The following USP4 variants were observed in gnomAD, a reference collection of about 807,000 sequenced individuals.
USP4 encodes the protein ubiquitin specific peptidase 4.
USP4 carries 72 observed loss-of-function variants against 118.2 expected under a neutral mutation model. The observed-to-expected ratio is 0.61, with a 90% confidence interval of 0.50 to 0.74. The LOEUF is 0.74. Ranked by LOEUF, USP4 falls within the 30% of genes least tolerant of loss-of-function variation. The probability of loss-of-function intolerance (pLI) is 0.00; values close to 1 mark genes in which losing one functional copy is unlikely to be tolerated. For synonymous variants in USP4, 415 were observed against 440.4 expected (o/e 0.94, Z 0.72); for missense variants, 1,037 against 1,185.7 (o/e 0.87, Z 1.84).
chr3:49,282,940 T>G (rs1054033664), intron 19 of USP4, among the ~76,000 whole-genome samples: 1 of 148,476 alleles, frequency 6.7e-6, no homozygotes, highest in African/African-American at 2.5e-5. Flanking sequence ...GCTCCTGATC[T>G]CAAGTGATCC....
At chr3:49,291,943 G>A (rs943486585) in intron 15 of USP4, among the ~76,000 whole-genome samples, 1 of 151,942 alleles carries the variant, frequency 6.6e-6, no homozygotes, top group African/African-American at 2.4e-5. Flanking sequence ...AAGTAGCTGG[G>A]ACTATAGGTG....
intron 6 of USP4, among the ~76,000 whole-genome samples, chr3:49,322,492 A>AT (rs2047512571): frequency 6.6e-6 from 1 of 152,324 alleles, no homozygotes; most frequent in Admixed American, 6.5e-5. Flanking sequence ...TGTGCATATA[A>AT]TTCTACATTT....
chr3:49,298,319 T>C (rs2047229717), intron 12 of USP4, among the ~76,000 whole-genome samples: 1 of 152,216 alleles, frequency 6.6e-6, no homozygotes, highest in South Asian at 2.1e-4. Flanking sequence ...CTCCTGGTCC[T>C]TTGACCACGG....
chr3:49,306,578 G>A (rs1475189028), intron 8 of USP4, among the ~76,000 whole-genome samples: 1 of 151,886 alleles, frequency 6.6e-6, no homozygotes, highest in African/African-American at 2.4e-5. Flanking sequence ...AGCATCATGA[G>A]ATAGAAGCTT....
chr3:49,319,896 G>A (rs1466849211), intron 6 of USP4, among the ~76,000 whole-genome samples: 1 of 151,714 alleles, frequency 6.6e-6, no homozygotes, highest in African/African-American at 2.4e-5. Context: ...TACAGGCCAT[G>A]AGCCACTGTG....
chr3:49,332,888 T>C (rs192540306), intron 2 of USP4, among the ~76,000 whole-genome samples: 2 of 151,034 alleles, frequency 1.3e-5, no homozygotes, highest in Admixed American at 1.3e-4. Context: ...ATACAATAAT[T>C]AGTCGAGTGT....
At chr3:49,320,302 C>T (rs181201145) in intron 6 of USP4, among the ~76,000 whole-genome samples, 2 of 151,614 alleles carry the variant, frequency 1.3e-5, no homozygotes, top group African/African-American at 4.8e-5. Context: ...ATTAGCCGGG[C>T]GTGGTGGCGC....
intron 19 of USP4, among the ~76,000 whole-genome samples, chr3:49,281,546 A>C (rs1052250163): frequency 4.0e-5 from 6 of 151,132 alleles, no homozygotes; most frequent in Non-Finnish European, 8.8e-5. Context: ...ATACATTTAT[A>C]TATACACACA....
chr3:49,299,724 C>G (rs1205159046), intron 11 of USP4, among the ~76,000 whole-genome samples: 1 of 151,952 alleles, frequency 6.6e-6, no homozygotes, highest in Non-Finnish European at 1.5e-5. Context: ...GAAACCAAAA[C>G]CAGAAGGCTA....
intron 6 of USP4, among the ~76,000 whole-genome samples, chr3:49,314,240 T>C (rs1048091238): frequency 1.3e-4 from 20 of 152,150 alleles, no homozygotes; most frequent in Non-Finnish European, 2.1e-4. Flanking sequence ...AGAAATTATA[T>C]AGGGCCTAAG....
chr3:49,336,165 CTTTTTT>C (rs34604530), intron 1 of USP4, among the ~76,000 whole-genome samples: 6 of 83,000 alleles, frequency 7.2e-5, no homozygotes, highest in Admixed American at 3.4e-4. Context: ...CACCTGGCCT[CTTTTTT>C]TTTTTTTTTT....
chr3:49,284,013 G>A lies in USP4; in HGVS notation c.2514C>T (p.Leu838=), dbSNP rs145018881. Residue 838 remains leucine, a synonymous_variant, in exon 19 of 22, where the codon CTC becomes CTT. Transcript: ENST00000265560. ...TGATTGGGAATTCTACGACTGTGTC[G>A]AGCTTATCCCTCCAGTATCTGTTGT... ...FSYNRYWRDK[L]DTVVEFPIRG... is the part of the protein sequence containing the mutation. 332 of 1,614,220 alleles carry A rather than the reference G, an allele frequency of 2.1e-4. 1 individual carries two copies. In the African/African-American group the frequency reaches 3.5e-3, roughly 17 times the overall value.
intron 20 of USP4, among the ~76,000 whole-genome samples, chr3:49,280,030 G>C (rs921661579): frequency 6.6e-6 from 1 of 152,166 alleles, no homozygotes; most frequent in Admixed American, 6.5e-5. Context: ...GGGAGGCCAA[G>C]GCAGGGTGGT....
At chr3:49,335,232 G>A (rs1312726519) in intron 2 of USP4, among the ~76,000 whole-genome samples, 1 of 152,158 alleles carries the variant, frequency 6.6e-6, no homozygotes, top group Non-Finnish European at 1.5e-5. Flanking sequence ...AATTTGCAAA[G>A]AGAGAAAGTT....
At chr3:49,308,673 C>G (rs1366687477) in intron 8 of USP4, among the ~76,000 whole-genome samples, 2 of 151,790 alleles carry the variant, frequency 1.3e-5, no homozygotes, top group Admixed American at 6.6e-5. Flanking sequence ...CGCTGAAGCT[C>G]ACGTGAGCTT....
Position 49,325,037 on chromosome 3 carries a change from T to C in USP4, c.490A>G (p.Thr164Ala), listed in dbSNP as rs2107798727. ...AGCTTCCGCATCTCTTTCTCGATGGTTGCTAGGAACAGGCAGAAATATCAC... is the reference window on the plus strand; with the variant it reads ...AGCTTCCGCATCTCTTTCTCGATGGCTGCTAGGAACAGGCAGAAATATCAC... ...CHFSKADTIA[T>A]IEKEMRKLFN... The change falls in exon 5 of 22, where the codon ACC (threonine) becomes GCC (alanine). Residue 164 changes from threonine to alanine, a missense_variant and splice_region_variant. Coordinates refer to ENST00000265560, the MANE Select transcript of USP4 (RefSeq NM_003363.4). 2 of 1,612,614 alleles carry C rather than the reference T, an allele frequency of 1.2e-6. No individual in the cohort carries two copies. Among genetic ancestry groups the C allele is most frequent in the Middle Eastern group, 1.7e-4 (1 of 6,040 alleles).
chr3:49,281,618 G>T (rs1163303092), intron 19 of USP4, among the ~76,000 whole-genome samples: 1 of 151,034 alleles, frequency 6.6e-6, no homozygotes, highest in African/African-American at 2.4e-5. Context: ...GGAGGCTGAG[G>T]TAGGAGAATC....
rs773669515 is a variant in USP4, at chr3:49,309,943, C to CTTTTTTTTTTTTTTTTTTTTTTT, written c.954+654_954+676dup. On this transcript the variant is annotated intron_variant, in intron 8 of 21. Coordinates refer to ENST00000265560, the MANE Select transcript of USP4 (RefSeq NM_003363.4). ...TGCTGCCCCCGGACTTTTTTTTAAT[C>CTTTTTTTTTTTTTTTTTTTTTTT]TTTTTTTTTTTTTTTTTTTTTTTGA... Among the ~76,000 whole-genome samples, 12 of 40,228 alleles carry CTTTTTTTTTTTTTTTTTTTTTTT rather than the reference C, an allele frequency of 3.0e-4. 3 individuals carry two copies. Among genetic ancestry groups the CTTTTTTTTTTTTTTTTTTTTTTT allele is most frequent in the African/African-American group, 3.4e-4 (3 of 8,718 alleles). 26.4% of individuals were successfully genotyped at this position (40,228 alleles called of 152,430 possible). A position where few individuals can be genotyped will look rare whatever the true frequency, so the allele number is the denominator to read the frequency against.
At chr3:49,278,703 G>C in intron 21 of USP4, 111 bp downstream of exon 21, 1 of 930,608 alleles carries the variant, frequency 1.1e-6, no homozygotes, top group East Asian at 2.4e-5. Flanking sequence ...GTCACACCTA[G>C]CTCCCACTAT....
Sources: gnomAD v4.1 joint callset for allele counts (sites outside exome capture counted in the v4.1 genomes callset) on GRCh38, gnomAD v4.1.1 for gene constraint, MANE v1.5 for transcripts, NCBI Gene and HGNC (gene_info 2026-07-23, HGNC 2026-07-21) for gene names.